The following CHKA variants were observed in gnomAD, a reference collection of about 807,000 sequenced individuals.
The protein encoded by CHKA is choline kinase alpha.
Under a neutral mutation model 60.1 loss-of-function variants are expected in CHKA, and 34 were observed. The observed-to-expected ratio is 0.57, with a 90% confidence interval of 0.43 to 0.75. The LOEUF (loss-of-function observed/expected upper bound fraction) is 0.75. Among genes scored for constraint, CHKA ranks in the 30% least tolerant of loss-of-function variants. The pLI is 0.00. For missense variants in CHKA, 563 were observed against 561.3 expected, an observed-to-expected ratio of 1.00 and a Z score of -0.03; for synonymous variants, 217 against 223.1, an observed-to-expected ratio of 0.97 and a Z score of 0.24.
In CHKA at chr11:68,066,527, T is replaced by A. The variant is rs896395573; in HGVS notation, c.929-11A>T. 2 of 1,607,496 alleles carry A rather than the reference T, an allele frequency of 1.2e-6. No individual in the cohort carries two copies. The highest frequency in any genetic ancestry group is 1.7e-5 in the Admixed American group (1 of 59,998). On this transcript the variant is annotated splice_polypyrimidine_tract_variant and intron_variant, in intron 7 of 11. Transcript: ENST00000265689. ...GCAACAAGATATTACCTGCAAAAGGTTTGGATAACATGGTTTATGTTTTAC... is the reference window on the plus strand; with the variant it reads ...GCAACAAGATATTACCTGCAAAAGGATTGGATAACATGGTTTATGTTTTAC...
At chr11:68,060,625 T>C (rs1242113173) in intron 11 of CHKA, among the ~76,000 whole-genome samples, 1 of 152,266 alleles carries the variant, frequency 6.6e-6, no homozygotes, top group African/African-American at 2.4e-5. Context: ...TCACCAACTT[T>C]AATCGTGAAT....
intron 11 of CHKA, among the ~76,000 whole-genome samples, chr11:68,060,022 G>C (rs1856167442): frequency 8.0e-6 from 1 of 124,650 alleles, no homozygotes; most frequent in Non-Finnish European, 1.7e-5. Context: ...TTCTGAGATA[G>C]AGTTTCACTC....
chr11:68,109,150 C>T (rs1205945413), intron 1 of CHKA, among the ~76,000 whole-genome samples: 3 of 139,512 alleles, frequency 2.2e-5, no homozygotes, highest in Admixed American at 7.8e-5. Flanking sequence ...AGTGCAGTGG[C>T]GCGATCTCGG....
chr11:68,093,826 CAT>C (rs1433569700), intron 2 of CHKA, among the ~76,000 whole-genome samples: 2 of 152,190 alleles, frequency 1.3e-5, no homozygotes, highest in East Asian at 1.9e-4. Context: ...CCACGAGCTA[CAT>C]GTGACTATTT....
intron 2 of CHKA, among the ~76,000 whole-genome samples, chr11:68,090,707 T>C (rs912666747): frequency 6.6e-6 from 1 of 152,146 alleles, no homozygotes; most frequent in African/African-American, 2.4e-5. Context: ...TTTATTATGG[T>C]TAGTACTCAA....
intron 1 of CHKA, among the ~76,000 whole-genome samples, chr11:68,113,861 G>A (rs1218775639): frequency 1.3e-5 from 2 of 151,898 alleles, no homozygotes; most frequent in Non-Finnish European, 2.9e-5. Flanking sequence ...CGTAGTGGCA[G>A]GTGCCTGTAA....
rs1365245460 is a variant in CHKA at position 68,053,230 on chromosome 11, C to G, written c.*758G>C. ...CAGCTGGCTCCCCTGGGAGGGGAGC[C>G]GGGAGACAGGGAGGTCCTCACACTG... is the stretch of plus-strand genomic sequence containing the variant. On this transcript the variant is annotated 3_prime_UTR_variant, in exon 12 of 12. Coordinates refer to ENST00000265689, the MANE Select transcript of CHKA (RefSeq NM_001277.3). 1 of 152,278 alleles carries G rather than the reference C, an allele frequency of 6.6e-6. No homozygotes were observed. Among genetic ancestry groups the G allele is most frequent in the African/African-American group, 2.4e-5 (1 of 41,420 alleles). The allele number at this position is 152,278 out of a possible 1,614,324, so 9.4% of individuals were successfully genotyped here. A position where few individuals can be genotyped will look rare whatever the true frequency, so the allele number is the denominator to read the frequency against.
intron 1 of CHKA, among the ~76,000 whole-genome samples, chr11:68,113,705 C>CA (rs1296835521): frequency 1.4e-5 from 2 of 143,538 alleles, no homozygotes; most frequent in South Asian, 4.5e-4. Flanking sequence ...AAAACAAAAA[C>CA]AAAAAACAGC....
rs143787068 is a variant in CHKA, at chr11:68,098,834, C to T, written c.351-1704G>A. 3.5e-4 allele frequency among the ~76,000 whole-genome samples: 54 copies of T among 152,198 alleles called. No individual in the cohort carries two copies. The East Asian group carries it at 7.9e-3, about 22-fold the overall frequency. Reference sequence around the variant, plus strand: ...TCAGCCCCCCAAGTAGCTGGGATTACAGGTGTATGCCAGCATGCTTAGCTA... The same window carrying T: ...TCAGCCCCCCAAGTAGCTGGGATTATAGGTGTATGCCAGCATGCTTAGCTA... On this transcript the variant is annotated intron_variant, in intron 1 of 11. Transcript: ENST00000265689.
chr11:68,082,978 G>A (rs371991171), intron 2 of CHKA, among the ~76,000 whole-genome samples: 1 of 152,306 alleles, frequency 6.6e-6, no homozygotes, highest in African/African-American at 2.4e-5. Context: ...GTGCGATGTG[G>A]TAGGCGCTGG....
chr11:68,090,076 T>C (rs780727910), intron 2 of CHKA, among the ~76,000 whole-genome samples: 27 of 152,212 alleles, frequency 1.8e-4, no homozygotes, highest in Middle Eastern at 3.2e-3. Flanking sequence ...AAAGACACTC[T>C]GAATATGTAA....
chr11:68,077,766 G>A, intron 3 of CHKA, among the ~76,000 whole-genome samples: 1 of 152,092 alleles, frequency 6.6e-6, no homozygotes, highest in Non-Finnish European at 1.5e-5. Context: ...GGGAAACAAG[G>A]GTGACTGGTG....
At chr11:68,078,481 C>G (rs1340123057) in intron 3 of CHKA, among the ~76,000 whole-genome samples, 2 of 152,250 alleles carry the variant, frequency 1.3e-5, no homozygotes, top group East Asian at 3.9e-4. Context: ...GATGGGTGGA[C>G]AGATGTCAGA....
chr11:68,107,233 C>A (rs1321329559), intron 1 of CHKA, among the ~76,000 whole-genome samples: 1 of 151,586 alleles, frequency 6.6e-6, no homozygotes, highest in East Asian at 1.9e-4. Flanking sequence ...ACCTGGGTGA[C>A]AGAGTGAGAC....
chr11:68,111,739 C>T (rs113434901), intron 1 of CHKA, among the ~76,000 whole-genome samples: 2 of 151,934 alleles, frequency 1.3e-5, no homozygotes, highest in Non-Finnish European at 2.9e-5. Flanking sequence ...TTACAACAAA[C>T]CATTTGTTGT....
chr11:68,100,604 CATAA>C (rs71461687), intron 1 of CHKA, among the ~76,000 whole-genome samples: 52 of 65,542 alleles, frequency 7.9e-4, no homozygotes, highest in South Asian at 1.3e-3. Flanking sequence ...TAAATAAATA[CATAA>C]ATAAATAAAT....
intron 11 of CHKA, chr11:68,061,585 CTCT>C (rs2134500123): frequency 2.7e-6 from 1 of 367,542 alleles, no homozygotes; most frequent in East Asian, 7.1e-5. Context: ...GAGCCACCCA[CTCT>C]TCTTCACTTA....
intron 2 of CHKA, chr11:68,082,094 T>A (rs1299538756): frequency 6.6e-6 from 1 of 152,058 alleles, no homozygotes; most frequent in African/African-American, 2.4e-5. Flanking sequence ...ATTTCATATA[T>A]TAATATATTA....
intron 4 of CHKA, among the ~76,000 whole-genome samples, chr11:68,072,025 T>G (rs1286034972): frequency 6.6e-6 from 1 of 152,208 alleles, no homozygotes; most frequent in Non-Finnish European, 1.5e-5. Context: ...ACAGGACTTA[T>G]TAAGGTAGCT....
Sources: gnomAD v4.1 joint callset for allele counts (sites outside exome capture counted in the v4.1 genomes callset) on GRCh38, gnomAD v4.1.1 for gene constraint, MANE v1.5 for transcripts, NCBI Gene and HGNC (gene_info 2026-07-23, HGNC 2026-07-21) for gene names.